The following CSMD1 variants were observed in gnomAD, a reference collection of about 807,000 sequenced individuals.
CSMD1 encodes the protein CUB and sushi domain-containing protein 1.
In CSMD1, 213 loss-of-function variants were observed where a neutral mutation model predicts 417.5. The ratio of observed to expected loss-of-function variants is 0.51; its 90% confidence interval spans 0.46 to 0.57. CSMD1 has a LOEUF of 0.57. Among genes scored for constraint, CSMD1 ranks in the 20% least tolerant of loss-of-function variants. CSMD1 has a pLI of 0.00. For synonymous variants in CSMD1, 2,862 were observed against 1,736.8 expected (o/e 1.65, Z -16.11); for missense variants, 6,923 against 4,529.7 (o/e 1.53, Z -15.17).
At chr8:2,998,962 C>A (rs661979) in intron 53 of CSMD1, among the ~76,000 whole-genome samples, 35,784 of 151,994 alleles carry the variant, frequency 0.24, 6,784 homozygotes, top group African/African-American at 0.53. Flanking sequence ...CTGTTTTATC[C>A]ACATTTCTTT....
chr8:4,890,963 G>C (rs1804080673), intron 1 of CSMD1, among the ~76,000 whole-genome samples: 1 of 152,080 alleles, frequency 6.6e-6, no homozygotes, highest in South Asian at 2.1e-4. Context: ...AGTATTGGTG[G>C]TGTTTGATTT....
intron 5 of CSMD1, among the ~76,000 whole-genome samples, chr8:3,969,953 C>A (rs897844608): frequency 1.3e-5 from 2 of 152,108 alleles, no homozygotes; most frequent in African/African-American, 4.8e-5. Flanking sequence ...CCTCTCCCAG[C>A]ATTTTCTGTC....
intron 1 of CSMD1, among the ~76,000 whole-genome samples, chr8:4,968,381 C>A (rs931941606): frequency 4.6e-5 from 7 of 151,990 alleles, no homozygotes; most frequent in African/African-American, 1.7e-4. Flanking sequence ...TTACCCCCAA[C>A]AGAAAATCTG....
intron 3 of CSMD1, among the ~76,000 whole-genome samples, chr8:4,253,649 T>C (rs141336864): frequency 6.6e-5 from 10 of 152,078 alleles, no homozygotes; most frequent in Non-Finnish European, 1.3e-4. Flanking sequence ...ATCTACTTAA[T>C]AGACACACAA....
chr8:4,590,421 T>C (rs1290850692), intron 2 of CSMD1, among the ~76,000 whole-genome samples: 1 of 152,222 alleles, frequency 6.6e-6, no homozygotes, highest in Admixed American at 6.5e-5. Flanking sequence ...TAATTTTATG[T>C]TATTCATCCC....
intron 3 of CSMD1, among the ~76,000 whole-genome samples, chr8:4,164,222 T>A (rs566590659): frequency 1.3e-5 from 2 of 152,172 alleles, no homozygotes; most frequent in Non-Finnish European, 2.9e-5. Context: ...ACAAAAATAT[T>A]TGAAATATAC....
rs561298704 is a variant in CSMD1, at chr8:4,699,324, A to C, written c.86-61766T>G. 7.9e-5 allele frequency among the ~76,000 whole-genome samples: 12 copies of C among 152,322 alleles called. No homozygotes were observed. The South Asian group carries it at 2.5e-3, about 32-fold the overall frequency. On this transcript the variant is annotated intron_variant, in intron 1 of 69. Coordinates refer to ENST00000635120, the MANE Select transcript of CSMD1 (RefSeq NM_033225.6). ...TCTAGCAGAGTGCTTTACTTCTCTT[A>C]ATACTGCATAAGAAAATTGTTTCCA...
intron 46 of CSMD1, among the ~76,000 whole-genome samples, chr8:3,100,010 G>C (rs1815614590): frequency 1.3e-5 from 2 of 151,798 alleles, no homozygotes; most frequent in Non-Finnish European, 2.9e-5. Flanking sequence ...AAATTCATGT[G>C]GGGTTTTTTG....
chr8:4,187,676 CA>C (rs34858860), intron 3 of CSMD1, among the ~76,000 whole-genome samples: 5 of 88,514 alleles, frequency 5.6e-5, no homozygotes, highest in South Asian at 5.1e-4. Flanking sequence ...AACTCCGTCT[CA>C]AAAAAAAAAA....
chr8:4,327,493 G>A (rs1199642690), intron 3 of CSMD1, among the ~76,000 whole-genome samples: 2 of 152,148 alleles, frequency 1.3e-5, no homozygotes, highest in Non-Finnish European at 2.9e-5. Context: ...GCCATTCTCT[G>A]TGCTGAGTGC....
chr8:4,725,938 T>C (rs1348208848), intron 1 of CSMD1, among the ~76,000 whole-genome samples: 2 of 152,170 alleles, frequency 1.3e-5, no homozygotes, highest in Non-Finnish European at 2.9e-5. Context: ...CTCCAGTAGA[T>C]ACACGGCATT....
rs1326384469 is a variant in CSMD1 at position 4,736,991 on chromosome 8, T to A, written c.86-99433A>T. On this transcript the variant is annotated intron_variant, in intron 1 of 69. Coordinates refer to ENST00000635120, the MANE Select transcript of CSMD1 (RefSeq NM_033225.6). Reference sequence around the variant, plus strand: ...TCTCTCATGGCTGCTTCTTTATAGCTTGATTTTTGCATTTAACATTCTATC... The same window carrying A: ...TCTCTCATGGCTGCTTCTTTATAGCATGATTTTTGCATTTAACATTCTATC... 4.5e-4 allele frequency among the ~76,000 whole-genome samples: 68 copies of A among 152,226 alleles called. 1 individual carries two copies.
chr8:3,469,529 T>C (rs532072576), intron 11 of CSMD1, among the ~76,000 whole-genome samples: 1 of 152,042 alleles, frequency 6.6e-6, no homozygotes, highest in Admixed American at 6.6e-5. Flanking sequence ...TGTCAGCCAG[T>C]GAAAAGAAAC....
chr8:4,499,304 C>A (rs576911373), intron 2 of CSMD1, among the ~76,000 whole-genome samples: 9 of 152,146 alleles, frequency 5.9e-5, no homozygotes, highest in Non-Finnish European at 1.3e-4. Flanking sequence ...ATGAAAAACG[C>A]TTGGGATTAA....
chr8:3,975,130 C>T (rs1249282867), intron 5 of CSMD1, among the ~76,000 whole-genome samples: 1 of 152,138 alleles, frequency 6.6e-6, no homozygotes, highest in Non-Finnish European at 1.5e-5. Context: ...ATGCATGTTT[C>T]CATGGAATGC....
intron 52 of CSMD1, among the ~76,000 whole-genome samples, chr8:3,004,483 AT>A (rs1563227451): frequency 6.6e-6 from 1 of 152,196 alleles, no homozygotes; most frequent in Non-Finnish European, 1.5e-5. Context: ...TCTACTAGTA[AT>A]CTGAACCCAG....
At chr8:4,913,763 G>A (rs375282687) in intron 1 of CSMD1, among the ~76,000 whole-genome samples, 2 of 152,130 alleles carry the variant, frequency 1.3e-5, no homozygotes, top group Non-Finnish European at 2.9e-5. Context: ...TGTGTTACCA[G>A]AATTAGGGAG....
intron 3 of CSMD1, among the ~76,000 whole-genome samples, chr8:4,196,335 C>A (rs999460131): frequency 6.6e-6 from 1 of 152,138 alleles, no homozygotes; most frequent in Non-Finnish European, 1.5e-5. Context: ...ACAAATAGAG[C>A]GGCTTAAGAG....
intron 30 of CSMD1, among the ~76,000 whole-genome samples, chr8:3,208,803 A>G (rs1244703054): frequency 6.6e-6 from 1 of 152,152 alleles, no homozygotes; most frequent in Non-Finnish European, 1.5e-5. Flanking sequence ...CTCCCAGCCT[A>G]CATCTTTCTC....
Sources: allele counts gnomAD v4.1 joint callset (sites outside exome capture counted in the v4.1 genomes callset), GRCh38; gene constraint gnomAD v4.1.1; transcripts MANE v1.5; gene names NCBI Gene and HGNC (gene_info 2026-07-23, HGNC 2026-07-21).